The following CDC42BPB variants were observed in gnomAD, a reference collection of about 807,000 sequenced individuals.
CDC42BPB encodes the protein CDC42 binding protein kinase beta, also known as serine/threonine-protein kinase MRCK beta.
A neutral mutation model predicts 214.9 loss-of-function variants in CDC42BPB; 37 were observed. The ratio of observed to expected loss-of-function variants is 0.17; its 90% CI spans 0.13 to 0.23. The LOEUF is 0.23. CDC42BPB is among the 10% of genes least tolerant of loss of function. CDC42BPB has a pLI of 1.00. For synonymous variants in CDC42BPB, 931 were observed against 884.0 expected (o/e 1.05, Z -0.94); for missense variants, 1,694 against 2,227.0 (o/e 0.76, Z 4.82).
intron 21 of CDC42BPB, among the ~76,000 whole-genome samples, chr14:102,958,797 A>G (rs1024082272): frequency 1.3e-5 from 2 of 151,860 alleles, no homozygotes; most frequent in African/African-American, 4.8e-5. Context: ...CTACAGCTAC[A>G]CAGATGGAAA....
In CDC42BPB at chr14:102,944,618, C is replaced by T. The variant is rs1387932464; in HGVS notation, c.3812-131G>A. On this transcript the variant is annotated intron_variant, in intron 29 of 36. Coordinates refer to ENST00000361246, the MANE Select transcript of CDC42BPB (RefSeq NM_006035.4). This position sits in a 1 kb window ranked among gnomAD's most constrained non-coding sequence, Gnocchi z 6.6. ...CTGGGCTCCCTTCCTGTGTGCACAG[C>T]CTGAGCCCGGCCCTGAGCCCGTCTC... 5 of 1,458,428 alleles carry T rather than the reference C, an allele frequency of 3.4e-6. No individual in the cohort carries two copies. In the East Asian group the frequency reaches 1.2e-4, roughly 36 times the overall value. The allele number at this position is 1,458,428 out of a possible 1,614,324, so 90.3% of individuals were successfully genotyped here.
At chr14:103,036,815 T>C (rs772731398) in intron 1 of CDC42BPB, among the ~76,000 whole-genome samples, 2 of 152,170 alleles carry the variant, frequency 1.3e-5, no homozygotes, top group Non-Finnish European at 2.9e-5. Context: ...AGTCGTGACT[T>C]TTTATTTTAT....
At chr14:103,033,094 G>A (rs113710685) in intron 1 of CDC42BPB, among the ~76,000 whole-genome samples, 4,758 of 152,180 alleles carry the variant, frequency 0.031, 165 homozygotes, top group Admixed American at 0.1. Context: ...ACAGATTTCT[G>A]GGATTTTCCT....
At chr14:103,032,444 T>TG (rs1243967578) in intron 1 of CDC42BPB, among the ~76,000 whole-genome samples, 1 of 148,878 alleles carries the variant, frequency 6.7e-6, no homozygotes, top group Non-Finnish European at 1.5e-5. Context: ...ATCTGTCAAA[T>TG]GCCAAATTTG....
intron 1 of CDC42BPB, among the ~76,000 whole-genome samples, chr14:103,050,386 G>C (rs1266859736): frequency 6.6e-6 from 1 of 152,202 alleles, no homozygotes; most frequent in Non-Finnish European, 1.5e-5. Flanking sequence ...GCCCAGAAAC[G>C]GTTAGGGAAA....
chr14:102,981,934 C>T (rs999548520), intron 7 of CDC42BPB, among the ~76,000 whole-genome samples: 2 of 152,188 alleles, frequency 1.3e-5, no homozygotes, highest in African/African-American at 2.4e-5. Flanking sequence ...CTGAGGTCTG[C>T]CGAGGCCACA....
chr14:102,940,315 G>A lies in CDC42BPB; in HGVS notation c.4418C>T (p.Pro1473Leu), dbSNP rs771381267. The change falls in exon 31 of 37, where the codon CCC becomes CTC. Residue 1473 changes from proline to leucine, a missense_variant. Physicochemically the swap from Pro to Leu is moderately conservative, Grantham distance 98. This residue lies in a region of CDC42BPB where 567 missense variants were observed against 790.3 expected (regional missense o/e 0.72). Coordinates refer to ENST00000361246, the MANE Select transcript of CDC42BPB (RefSeq NM_006035.4). ...CTCGCTGTACACCGTGACGTGGGTGGGGCTGCAACCTAGCGCAGACGGAGC... is the reference window on the plus strand; with the variant it reads ...CTCGCTGTACACCGTGACGTGGGTGAGGCTGCAACCTAGCGCAGACGGAGC... Reference protein sequence around the residue: ...PAAPVACSCSPTHVTVYSEYG... With the variant: ...PAAPVACSCSLTHVTVYSEYG... 1.9e-6 allele frequency: 3 copies of A among 1,572,326 alleles called. No homozygotes were observed. The highest frequency in any genetic ancestry group is 1.2e-5 in the South Asian group (1 of 86,056).
intron 21 of CDC42BPB, among the ~76,000 whole-genome samples, chr14:102,955,971 C>G (rs1892689470): frequency 6.6e-6 from 1 of 152,208 alleles, no homozygotes; most frequent in Admixed American, 6.5e-5. Context: ...ACTGCAAATT[C>G]ACAAGGGAAA....
intron 8 of CDC42BPB, chr14:102,978,441 C>T (rs1013322390): frequency 2.0e-5 from 12 of 596,670 alleles, no homozygotes; most frequent in African/African-American, 4.0e-5. Flanking sequence ...ACTCTGATTT[C>T]GATGATGACA....
At chr14:103,039,361 C>T (rs1352752522) in intron 1 of CDC42BPB, among the ~76,000 whole-genome samples, 1 of 149,732 alleles carries the variant, frequency 6.7e-6, no homozygotes, top group African/African-American at 2.5e-5. Flanking sequence ...TGAATAGATG[C>T]CAAAATCTTT....
chr14:102,954,124 T>G, intron 23 of CDC42BPB, 74 bp downstream of exon 23: 1 of 1,033,288 alleles, frequency 9.7e-7, no homozygotes, highest in East Asian at 2.6e-5. Context: ...ACAAAACTTA[T>G]TTTCTAAATA....
intron 1 of CDC42BPB, among the ~76,000 whole-genome samples, chr14:103,049,575 A>G (rs1275977195): frequency 2.6e-5 from 4 of 152,276 alleles, no homozygotes; most frequent in Admixed American, 6.5e-5. Context: ...CGACTGGTAG[A>G]GGGACTGCTG....
At chr14:102,988,334 A>C (rs1448446711) in intron 5 of CDC42BPB, among the ~76,000 whole-genome samples, 1 of 146,948 alleles carries the variant, frequency 6.8e-6, no homozygotes, top group Non-Finnish European at 1.5e-5. Flanking sequence ...ACTACAATCC[A>C]ACAGAACTTT....
Position 103,056,984 on chromosome 14 carries a change from C to T in CDC42BPB, c.175+15G>A. 2 of 1,400,868 alleles carry T rather than the reference C, an allele frequency of 1.4e-6. No individual in the cohort carries two copies. Among genetic ancestry groups the T allele is most frequent in the Non-Finnish European group, 1.9e-6 (2 of 1,073,554 alleles). 86.8% of individuals were successfully genotyped at this position (1,400,868 alleles called of 1,614,324 possible). A position where few individuals can be genotyped will look rare whatever the true frequency, so the allele number is the denominator to read the frequency against. ...TCGCAGAGCCGCAGGTCCGGCCCTG[C>T]CGGCGCGCACTTACCCCACTCGAGG... On this transcript the variant is annotated intron_variant, in intron 1 of 36. Coordinates refer to ENST00000361246, the MANE Select transcript of CDC42BPB (RefSeq NM_006035.4).
chr14:102,962,246 G>C (rs1892995503), intron 20 of CDC42BPB, among the ~76,000 whole-genome samples: 1 of 152,254 alleles, frequency 6.6e-6, no homozygotes, highest in East Asian at 1.9e-4. Context: ...CTGTCCGTCA[G>C]CATGCAGCAA....
intron 3 of CDC42BPB, among the ~76,000 whole-genome samples, chr14:103,006,770 G>A (rs1037785606): frequency 2.0e-5 from 3 of 151,878 alleles, no homozygotes; most frequent in Admixed American, 2.0e-4. Context: ...TAATCACCGC[G>A]ACTGGCAAAC....
chr14:102,979,124 G>A (rs1893886363), intron 8 of CDC42BPB, among the ~76,000 whole-genome samples: 1 of 152,102 alleles, frequency 6.6e-6, no homozygotes, highest in African/African-American at 2.4e-5. Context: ...ACTTTTCTCA[G>A]CATTTTCTCC....
Position 102,943,825 on chromosome 14 carries a change from G to T in CDC42BPB, c.4408+66C>A. The T allele has an allele frequency of 1.4e-6, 2 of 1,451,190 alleles. No individual in the cohort carries two copies. The highest frequency in any genetic ancestry group is 2.3e-5 in the East Asian group (1 of 43,822). The allele number at this position is 1,451,190 out of a possible 1,614,324, so 89.9% of individuals were successfully genotyped here. On this transcript the variant is annotated intron_variant, in intron 30 of 36. Coordinates refer to ENST00000361246, the MANE Select transcript of CDC42BPB (RefSeq NM_006035.4). This position sits in a 1 kb window ranked among gnomAD's most constrained non-coding sequence, Gnocchi z 4.6. ...CTGGAAGACAAACCAAAGCAAAATC[G>T]AACACATGCTGACTGTCGGTGGGAA... is the stretch of plus-strand genomic sequence containing the variant.
In CDC42BPB at chr14:102,951,272, A is replaced by G. The variant is rs530423665; in HGVS notation, c.3173-670T>C. On this transcript the variant is annotated intron_variant, in intron 24 of 36. Transcript: ENST00000361246. ...AAATGTGCATGAGTTGAAATAACAA[A>G]AAACAATGCTTCTGCTATAATGTAG... 3.3e-5 allele frequency among the ~76,000 whole-genome samples: 5 copies of G among 152,310 alleles called. No individual in the cohort carries two copies. The East Asian group carries it at 9.6e-4, about 29-fold the overall frequency.
Sources: allele counts gnomAD v4.1 joint callset (sites outside exome capture counted in the v4.1 genomes callset), GRCh38; gene constraint gnomAD v4.1.1; regional missense constraint gnomAD v4.1.1; non-coding constraint Gnocchi (gnomAD v3.1); transcripts MANE v1.5; gene names NCBI Gene and HGNC (gene_info 2026-07-23, HGNC 2026-07-21).